Variants in SLC1A3 observed in about 807,000 individuals in gnomAD.
SLC1A3 encodes excitatory amino acid transporter 1.
SLC1A3 carries 21 observed loss-of-function variants against 48.1 expected under a neutral mutation model. The ratio of observed to expected loss-of-function variants is 0.44; its 90% CI spans 0.31 to 0.63. SLC1A3 has a LOEUF of 0.63. Among genes scored for constraint, SLC1A3 ranks in the 20% least tolerant of loss-of-function variants. The pLI, the probability that SLC1A3 is intolerant of heterozygous loss-of-function variation, is 0.08. For missense variants in SLC1A3, 546 were observed against 689.0 expected (o/e 0.79, Z 2.32); for synonymous variants, 239 against 251.4 (o/e 0.95, Z 0.47).
intron 3 of SLC1A3, among the ~76,000 whole-genome samples, chr5:36,665,379 CT>C (rs931005358): frequency 2.6e-5 from 4 of 152,238 alleles, no homozygotes; most frequent in African/African-American, 9.6e-5. Context: ...GTCCCGCTCT[CT>C]TGGCACTAAA....
chr5:36,614,152 T>C (rs754712920), intron 2 of SLC1A3, among the ~76,000 whole-genome samples: 1 of 152,242 alleles, frequency 6.6e-6, no homozygotes, highest in Non-Finnish European at 1.5e-5. Flanking sequence ...CCAAGATTTA[T>C]ATCCCAGTTC....
rs531545440 is a variant in SLC1A3, at chr5:36,606,774, C to T, written c.-96+39C>T. The T allele has an allele frequency of 2.0e-5, 3 of 152,414 alleles. No homozygotes were observed. In the East Asian group the frequency reaches 5.8e-4, roughly 29 times the overall value. 9.4% of individuals were successfully genotyped at this position (152,414 alleles called of 1,614,324 possible). ...TCTGTGTTCCTGCTGGGTTTAATTTCTCCTTTCACTTCTCTGCCGATGTAT... is the reference window on the plus strand; with the variant it reads ...TCTGTGTTCCTGCTGGGTTTAATTTTTCCTTTCACTTCTCTGCCGATGTAT... On this transcript the variant is annotated intron_variant, in intron 1 of 9. Coordinates refer to ENST00000265113, the MANE Select transcript of SLC1A3 (RefSeq NM_004172.5).
intron 2 of SLC1A3, among the ~76,000 whole-genome samples, chr5:36,625,615 G>A (rs1345440275): frequency 6.6e-6 from 1 of 152,034 alleles, no homozygotes; most frequent in Non-Finnish European, 1.5e-5. Context: ...AGCTCACCTG[G>A]TAAACCCAGA....
chr5:36,601,337 A>G (rs1388448860), intron 1 of SLC1A3, among the ~76,000 whole-genome samples: 4 of 152,198 alleles, frequency 2.6e-5, no homozygotes, highest in Non-Finnish European at 5.9e-5. Context: ...CACTGAGTGT[A>G]TATAAAAATT....
chr5:36,603,958 G>A (rs1738836642), upstream of SLC1A3, among the ~76,000 whole-genome samples: 1 of 152,182 alleles, frequency 6.6e-6, no homozygotes, highest in African/African-American at 2.4e-5. Context: ...AATTTTGAAT[G>A]GTGAAGTTTG....
intron 8 of SLC1A3, among the ~76,000 whole-genome samples, chr5:36,682,402 C>T (rs1264223707): frequency 2.0e-5 from 3 of 152,130 alleles, no homozygotes. Flanking sequence ...CAATGACTGA[C>T]CTGGGGGTTC....
At chr5:36,672,890 T>C (rs1742054004) in intron 4 of SLC1A3, among the ~76,000 whole-genome samples, 1 of 152,210 alleles carries the variant, frequency 6.6e-6, no homozygotes. Context: ...TACCCTCAGA[T>C]AGTTTAGATT....
intron 3 of SLC1A3, among the ~76,000 whole-genome samples, chr5:36,646,379 C>T (rs1190154225): frequency 1.3e-5 from 2 of 152,226 alleles, no homozygotes; most frequent in East Asian, 1.9e-4. Flanking sequence ...TTGAAATCCA[C>T]ACAAGGGACA....
At position 36,679,747 on chromosome 5, in the gene SLC1A3, T is replaced by G; in HGVS notation, c.981T>G (p.Ile327Met). 2 of 1,614,112 alleles carry G rather than the reference T, an allele frequency of 1.2e-6. No individual in the cohort carries two copies. Among genetic ancestry groups the G allele is most frequent in the Non-Finnish European group, 1.7e-6 (2 of 1,179,984 alleles). Residue 327 changes from isoleucine to methionine, a missense_variant, in exon 7 of 10, where the codon ATT (isoleucine) becomes ATG (methionine). Transcript: ENST00000265113. ...TGACTGTCATTGTTGGCTTACTCATTCACGCAGTCATCGTCTTGCCACTCC... is the reference window on the plus strand; with the variant it reads ...TGACTGTCATTGTTGGCTTACTCATGCACGCAGTCATCGTCTTGCCACTCC... ...YTVTVIVGLL[I>M]HAVIVLPLLY...
chr5:36,598,129 T>G (rs1201452806), intron 1 of SLC1A3, among the ~76,000 whole-genome samples: 1 of 152,228 alleles, frequency 6.6e-6, no homozygotes, highest in Non-Finnish European at 1.5e-5. Flanking sequence ...TGTGTAGCGC[T>G]TAAGTTCCCA....
At chr5:36,640,682 A>C (rs1197490744) in intron 3 of SLC1A3, among the ~76,000 whole-genome samples, 1 of 152,320 alleles carries the variant, frequency 6.6e-6, no homozygotes, top group African/African-American at 2.4e-5. Context: ...AAGAAGAGTA[A>C]GATGATCGTA....
intron 3 of SLC1A3, among the ~76,000 whole-genome samples, chr5:36,644,400 G>A (rs1275014724): frequency 6.6e-6 from 1 of 152,176 alleles, no homozygotes. Context: ...TTAAAATGTA[G>A]ATGGTAAACT....
intron 6 of SLC1A3, among the ~76,000 whole-genome samples, chr5:36,678,384 C>T (rs1742296969): frequency 6.6e-6 from 1 of 152,182 alleles, no homozygotes; most frequent in Admixed American, 6.5e-5. Flanking sequence ...TTATTAAATG[C>T]CTCCACCTTT....
At position 36,676,998 on chromosome 5, in the gene SLC1A3, C is replaced by T. The variant is rs758446635; in HGVS notation, c.674C>T (p.Thr225Ile). 12 of 1,613,886 alleles carry T rather than the reference C, an allele frequency of 7.4e-6. No individual in the cohort carries two copies. The highest frequency in any genetic ancestry group is 1.6e-4 in the Middle Eastern group (1 of 6,084). ...NNVSEAMETL[T>I]RITEELVPVP... ...GTGTCTGAGGCCATGGAGACTCTTACCCGAATCACAGAGGAGCTGGTCCCA... is the reference window on the plus strand; with the variant it reads ...GTGTCTGAGGCCATGGAGACTCTTATCCGAATCACAGAGGAGCTGGTCCCA... The change falls in exon 6 of 10, where the codon ACC (threonine) becomes ATC (isoleucine). Residue 225 changes from threonine to isoleucine, a missense_variant. Around this residue, in one of 3 missense-constraint regions of SLC1A3, gnomAD observed 348 missense variants for 392.0 expected, o/e 0.89. Transcript: ENST00000265113.
chr5:36,627,237 A>T (rs756011940), intron 2 of SLC1A3, among the ~76,000 whole-genome samples: 1 of 152,212 alleles, frequency 6.6e-6, no homozygotes, highest in Admixed American at 6.5e-5. Flanking sequence ...ATTAGGAAAA[A>T]TAGTCAACAT....
At chr5:36,629,427 C>CTTTT in intron 2 of SLC1A3, 23 bp from the exon 3 acceptor site, 5 of 1,456,490 alleles carry the variant, frequency 3.4e-6, no homozygotes, top group African/African-American at 1.5e-5. Flanking sequence ...TTTTCTTTTT[C>CTTTT]TTTTTTTTTT....
chr5:36,681,641 C>A (rs10069687), intron 8 of SLC1A3, among the ~76,000 whole-genome samples: 1 of 152,162 alleles, frequency 6.6e-6, no homozygotes, highest in Non-Finnish European at 1.5e-5. Flanking sequence ...GTGTTACCTG[C>A]AAGTTTCTTC....
At position 36,674,242 on chromosome 5, in the gene SLC1A3, T is replaced by G. The variant is rs938026185; in HGVS notation, c.567+151T>G. ...AAACACTAGCGTTTTCTAGGAATTT[T>G]GGGGGGAAAGGATGGTTCTTACCTT... is the stretch of plus-strand genomic sequence containing the variant. On this transcript the variant is annotated intron_variant, in intron 5 of 9. Transcript: ENST00000265113. 21 of 707,938 alleles carry G rather than the reference T, an allele frequency of 3.0e-5. No homozygotes were observed. In the Admixed American group the frequency reaches 4.0e-4, roughly 14 times the overall value. 43.9% of individuals were successfully genotyped at this position (707,938 alleles called of 1,614,324 possible).
intron 3 of SLC1A3, among the ~76,000 whole-genome samples, chr5:36,635,309 C>T (rs1350408035): frequency 6.6e-6 from 1 of 152,150 alleles, no homozygotes; most frequent in Non-Finnish European, 1.5e-5. Context: ...ATAGTGTGTG[C>T]TCAATTAATG....
Sources: allele counts gnomAD v4.1 joint callset (sites outside exome capture counted in the v4.1 genomes callset), GRCh38; gene constraint gnomAD v4.1.1; regional missense constraint gnomAD v4.1.1; transcripts MANE v1.5; gene names NCBI Gene and HGNC (gene_info 2026-07-23, HGNC 2026-07-21).